The following TNS1 variants were observed in gnomAD, a reference collection of about 807,000 sequenced individuals.
TNS1 encodes tensin 1, also known as tensin-1.
In TNS1, 62 loss-of-function variants were observed where a neutral mutation model predicts 168.6. The ratio of observed to expected loss-of-function variants is 0.37; its 90% CI spans 0.30 to 0.45. TNS1 has a LOEUF of 0.45. Ranked by LOEUF, TNS1 falls within the 20% of genes least tolerant of loss-of-function variation. The pLI, the probability that TNS1 is intolerant of heterozygous loss-of-function variation, is 1.00. For synonymous variants in TNS1, 934 were observed against 933.2 expected (o/e 1.00, Z -0.02); for missense variants, 2,240 against 2,339.4 (o/e 0.96, Z 0.88).
At chr2:218,013,149 G>A (rs1357921945), upstream of TNS1, among the ~76,000 whole-genome samples, 3 of 151,992 alleles carry the variant, frequency 2.0e-5, no homozygotes, top group African/African-American at 7.2e-5. Flanking sequence ...CCAGCTACCT[G>A]GGAGACTGAG....
chr2:218,012,695 A>G (rs922098937), upstream of TNS1, among the ~76,000 whole-genome samples: 1 of 152,060 alleles, frequency 6.6e-6, no homozygotes, highest in Admixed American at 6.5e-5. Context: ...CTGAAGGTCA[A>G]TGCCATACTG....
intron 18 of TNS1, among the ~76,000 whole-genome samples, chr2:217,862,989 C>G (rs1391444349): frequency 6.6e-6 from 1 of 152,216 alleles, no homozygotes; most frequent in Non-Finnish European, 1.5e-5. Context: ...GGCCAGGGCC[C>G]CTCACCCACA....
rs578261466 is a variant in TNS1 at position 217,848,790 on chromosome 2, C to T, written c.1727G>A (p.Arg576Gln). ...GTGGTACATGGCGCCTTGCTTCTCT[C>T]GCTCTAAGCCAAAGCCACTCAGCAG... is the stretch of plus-strand genomic sequence containing the variant. The part of the protein sequence containing the change: ...DRLLSGFGLE[R>Q]EKQGAMYHTQ... The change falls in exon 19 of 33, where the codon CGA becomes CAA. Residue 576 changes from arginine (R) to glutamine (Q), a missense_variant. This residue lies in a region of TNS1 where 2,131 missense variants were observed against 2,171.2 expected (regional missense o/e 0.98). Coordinates refer to ENST00000682258, the MANE Select transcript of TNS1 (RefSeq NM_001387777.1). 24 of 1,614,128 alleles carry T rather than the reference C, an allele frequency of 1.5e-5. No homozygotes were observed. The highest frequency in any genetic ancestry group is 1.4e-4 in the South Asian group (13 of 91,084).
At chr2:218,006,438 T>C (rs958028111), upstream of TNS1, among the ~76,000 whole-genome samples, 6 of 152,218 alleles carry the variant, frequency 3.9e-5, no homozygotes, top group African/African-American at 1.4e-4. Flanking sequence ...TTGACTCTTG[T>C]CCACCAAAAT....
chr2:217,808,202 G>A, intron 31 of TNS1, 95 bp from the exon 32 acceptor site: 1 of 1,454,852 alleles, frequency 6.9e-7, no homozygotes, highest in Non-Finnish European at 9.4e-7. Context: ...AAGGTCTGGG[G>A]AGAGGAGCTG....
intron 3 of TNS1, among the ~76,000 whole-genome samples, chr2:217,956,492 C>T (rs1957366297): frequency 6.6e-6 from 1 of 152,130 alleles, no homozygotes; most frequent in South Asian, 2.1e-4. Flanking sequence ...CCCGAAGGAG[C>T]AAGGCTGCGG....
intron 3 of TNS1, among the ~76,000 whole-genome samples, chr2:217,936,573 G>A (rs990962155): frequency 1.3e-5 from 2 of 152,108 alleles, no homozygotes; most frequent in African/African-American, 2.4e-5. Flanking sequence ...GCCCTGGCTT[G>A]AGGCCTGCCC....
Position 217,803,268 on chromosome 2 carries a change from G to C in TNS1, c.*1191C>G, listed in dbSNP as rs567817448. 3.9e-5 allele frequency: 6 copies of C among 152,412 alleles called. No homozygotes were observed. The highest frequency in any genetic ancestry group is 6.5e-5 in the Admixed American group (1 of 15,310). The allele number at this position is 152,412 out of a possible 1,614,324, so 9.4% of individuals were successfully genotyped here. ...TCCCCAGGGAGAATTCCAACACAGGGACCCTGCAGAATAGAACAGGGCTGG... is the reference window on the plus strand; with the variant it reads ...TCCCCAGGGAGAATTCCAACACAGGCACCCTGCAGAATAGAACAGGGCTGG... On this transcript the variant is annotated 3_prime_UTR_variant, in exon 33 of 33. Transcript: ENST00000682258.
chr2:217,931,398 A>C (rs1419808572), intron 3 of TNS1, among the ~76,000 whole-genome samples: 2 of 152,216 alleles, frequency 1.3e-5, no homozygotes, highest in African/African-American at 4.8e-5. Context: ...GCAGTGGGAA[A>C]ACCCAAAGAG....
At chr2:217,963,261 C>T (rs765479499) in intron 3 of TNS1, among the ~76,000 whole-genome samples, 36 of 152,152 alleles carry the variant, frequency 2.4e-4, no homozygotes, top group Admixed American at 3.9e-4. Context: ...CCAGGGAACA[C>T]GGAAAACAGA....
At chr2:217,894,477 C>T (rs1308717157) in intron 9 of TNS1, among the ~76,000 whole-genome samples, 1 of 152,090 alleles carries the variant, frequency 6.6e-6, no homozygotes. Flanking sequence ...GCCAACACGG[C>T]GAAACCCCAT....
At chr2:217,937,127 A>G (rs935379680) in intron 3 of TNS1, 4 of 429,764 alleles carry the variant, frequency 9.3e-6, no homozygotes, top group South Asian at 1.6e-5. Context: ...AGCTCACATG[A>G]GCTGCCTCCT....
intron 3 of TNS1, among the ~76,000 whole-genome samples, chr2:217,960,174 C>G (rs1382385946): frequency 6.6e-6 from 1 of 152,164 alleles, no homozygotes; most frequent in Admixed American, 6.5e-5. Context: ...GACTCATTGA[C>G]CCATCCAGGA....
rs1305944635 is a variant in TNS1, at chr2:218,032,874, A to T, written c.156+946T>A. Among the ~76,000 whole-genome samples the T allele has an allele frequency of 1.3e-5, 2 of 152,012 alleles. No individual in the cohort carries two copies. Among genetic ancestry groups the T allele is most frequent in the Non-Finnish European group, 2.9e-5 (2 of 67,974 alleles). On this transcript the variant is annotated intron_variant, in intron 1 of 1. Coordinates refer to the TNS1 transcript ENST00000649572. This position sits in a 1 kb window ranked among gnomAD's most constrained non-coding sequence, Gnocchi z 4.0. Reference sequence around the variant, plus strand: ...TTAGAAACCAGCTCATCTGATGCAGACACTCGTCCCCATCCCTCTCCCTGC... The same window carrying T: ...TTAGAAACCAGCTCATCTGATGCAGTCACTCGTCCCCATCCCTCTCCCTGC...
chr2:217,837,728 C>T (rs1945363837), intron 19 of TNS1, among the ~76,000 whole-genome samples: 2 of 152,266 alleles, frequency 1.3e-5, no homozygotes, highest in Admixed American at 1.3e-4. Flanking sequence ...CTGCCACTTA[C>T]AAACTGTTCC....
In TNS1 at chr2:217,810,031, C is replaced by T. The variant is rs41272677; in HGVS notation, c.5105-40G>A. 9.1e-5 allele frequency: 146 copies of T among 1,600,554 alleles called. 1 individual carries two copies. Among genetic ancestry groups the T allele is most frequent in the Admixed American group, 1.3e-4 (8 of 59,578 alleles). ...CCCAAGGGGGAGTCATGGGAGCTGG[C>T]GTGGGTGAGGACATTAACCCAGATC... On this transcript the variant is annotated intron_variant, in intron 29 of 32. Transcript: ENST00000682258.
chr2:217,821,854 G>T lies in TNS1; in HGVS notation c.3458C>A (p.Ala1153Asp). 6.3e-7 allele frequency: 1 copy of T among 1,586,524 alleles called. No individual in the cohort carries two copies. The highest frequency in any genetic ancestry group is 1.8e-5 in the Admixed American group (1 of 55,362). ...ATGGCCATAGGCCTGGGTGGCTGGAGCACTAAAGCTCTTGGGCTCAGAGTC... is the reference window on the plus strand; with the variant it reads ...ATGGCCATAGGCCTGGGTGGCTGGATCACTAAAGCTCTTGGGCTCAGAGTC... ...AQDSEPKSFS[A>D]PATQAYGHEI... Residue 1153 changes from alanine (A) to aspartate (D), a missense_variant, in exon 23 of 33, where the codon GCT (alanine) becomes GAT (aspartate). By Grantham distance (126) the Ala-to-Asp change is moderately radical (BLOSUM62 -2). Around this residue, in one of 2 missense-constraint regions of TNS1, gnomAD observed 2,131 missense variants for 2,171.2 expected, o/e 0.98. Transcript: ENST00000682258.
chr2:217,926,517 T>G (rs1188835099), intron 3 of TNS1, among the ~76,000 whole-genome samples: 1 of 152,220 alleles, frequency 6.6e-6, no homozygotes, highest in African/African-American at 2.4e-5. Context: ...AAACTGGGGT[T>G]TGTAGAGCAC....
At chr2:218,000,908 T>C (rs964869055) in intron 1 of TNS1, among the ~76,000 whole-genome samples, 7 of 152,042 alleles carry the variant, frequency 4.6e-5, no homozygotes, top group African/African-American at 1.7e-4. Flanking sequence ...TCCCAGCACT[T>C]TGGGAGGCTG....
Sources: gnomAD v4.1 joint callset for allele counts (sites outside exome capture counted in the v4.1 genomes callset) on GRCh38, gnomAD v4.1.1 for gene constraint, gnomAD v4.1.1 regional missense constraint, Gnocchi (gnomAD v3.1) non-coding constraint, MANE v1.5 for transcripts, NCBI Gene and HGNC (gene_info 2026-07-23, HGNC 2026-07-21) for gene names.